Variants in FBXO4 observed in about 807,000 individuals in gnomAD.
The protein encoded by FBXO4 is F-box only protein 4.
Under a neutral mutation model 43.7 loss-of-function variants are expected in FBXO4, and 36 were observed. The observed-to-expected ratio is 0.82, with a 90% CI of 0.63 to 1.09. FBXO4 has a LOEUF of 1.09. FBXO4 is among the 50% of genes least tolerant of loss of function. The pLI is 0.00. For synonymous variants in FBXO4, 180 were observed against 165.6 expected (o/e 1.09, Z -0.67); for missense variants, 435 against 474.1 (o/e 0.92, Z 0.77).
At chr5:41,952,684 C>T in the FBXO4 span, among the ~76,000 whole-genome samples, 2 of 152,206 alleles carry the variant, frequency 1.3e-5, no homozygotes, top group Admixed American at 6.5e-5. Flanking sequence ...TATAGACTTA[C>T]CCATTGTGGA....
At chr5:41,954,529 C>T in the FBXO4 span, among the ~76,000 whole-genome samples, 2 of 152,272 alleles carry the variant, frequency 1.3e-5, no homozygotes, top group Middle Eastern at 3.4e-3. Flanking sequence ...CATAATGCAT[C>T]ATCTACAGCT....
chr5:41,937,068 C>T (rs888653141), intron 5 of FBXO4, among the ~76,000 whole-genome samples: 3 of 151,850 alleles, frequency 2.0e-5, no homozygotes, highest in Non-Finnish European at 4.4e-5. Flanking sequence ...TAATTGGAGT[C>T]CCAAAACATG....
At chr5:41,977,011 C>T in the FBXO4 span, among the ~76,000 whole-genome samples, 7 of 152,150 alleles carry the variant, frequency 4.6e-5, no homozygotes, top group African/African-American at 7.2e-5. Flanking sequence ...ACCTTCAAAG[C>T]TGTGGCTCAA....
At chr5:41,971,205 G>GGTGTGTGTGTGTGTGTGTGT in the FBXO4 span, among the ~76,000 whole-genome samples, 2 of 147,470 alleles carry the variant, frequency 1.4e-5, no homozygotes, top group South Asian at 2.2e-4. Context: ...ACTAGAGAGA[G>GGTGTGTGTGTGTGTGTGTGT]GTGTGTGTGT....
the FBXO4 span, among the ~76,000 whole-genome samples, chr5:41,973,982 G>T: frequency 6.6e-6 from 1 of 152,142 alleles, no homozygotes; most frequent in African/African-American, 2.4e-5. Flanking sequence ...CTATTTGAAA[G>T]ATATTATTAC....
At chr5:41,977,303 C>CT in the FBXO4 span, among the ~76,000 whole-genome samples, 29 of 152,124 alleles carry the variant, frequency 1.9e-4, no homozygotes, top group South Asian at 5.2e-3. Context: ...CCTGAAAATG[C>CT]TTTTTTTTCT....
At position 41,927,238 on chromosome 5, in the gene FBXO4, T is replaced by C. The variant is rs761396957; in HGVS notation, c.415T>C (p.Tyr139His). ...SEVTDGAFFD[Y>H]MAVYRMCCPY... is the part of the protein sequence containing the mutation. ...GGTCACTGATGGTGCATTTTTTGAC[T>C]ACATGGCAGTGTAAGTATCTAGTTT... Residue 139 changes from tyrosine (Y) to histidine (H), a missense_variant, in exon 2 of 7, where the codon TAC (tyrosine) becomes CAC (histidine). Tyr to His is a moderately conservative substitution (Grantham distance 83, BLOSUM62 2). Coordinates refer to ENST00000281623, the MANE Select transcript of FBXO4 (RefSeq NM_012176.3). 34 of 1,584,724 alleles carry C rather than the reference T, an allele frequency of 2.1e-5. No homozygotes were observed. The Admixed American group carries it at 2.7e-4, about 13-fold the overall frequency.
In FBXO4 at chr5:41,925,376, CTGG is replaced by C; in HGVS notation, c.68_70del (p.Leu23_Glu24delinsGln). The C allele has an allele frequency of 7.2e-7, 1 of 1,379,474 alleles. No homozygotes were observed. Among genetic ancestry groups the C allele is most frequent in the Non-Finnish European group, 9.4e-7 (1 of 1,062,616 alleles). The allele number at this position is 1,379,474 out of a possible 1,614,324, so 85.5% of individuals were successfully genotyped here. On this transcript the variant is annotated inframe_deletion, in exon 1 of 7. Coordinates refer to ENST00000281623, the MANE Select transcript of FBXO4 (RefSeq NM_012176.3). ...GCCGCCCTTCAGCGACTGGGGCCGC[CTGG>C]AGGCGGCCATCCTCAGCGGCTGGAA...
the FBXO4 span, among the ~76,000 whole-genome samples, chr5:42,021,723 G>A: frequency 6.6e-6 from 1 of 152,136 alleles, no homozygotes; most frequent in Admixed American, 6.6e-5. Context: ...TAAAGGGACT[G>A]GAGTTTGTGG....
the FBXO4 span, among the ~76,000 whole-genome samples, chr5:42,001,553 T>C: frequency 6.6e-6 from 1 of 152,220 alleles, no homozygotes. Context: ...TTTATGTCTG[T>C]CTTATTTCTT....
At chr5:42,027,376 T>C in the FBXO4 span, among the ~76,000 whole-genome samples, 14 of 152,024 alleles carry the variant, frequency 9.2e-5, no homozygotes, top group Non-Finnish European at 1.9e-4. Context: ...TTTGAATTTC[T>C]TCAGTATCAG....
At chr5:41,986,457 G>T in the FBXO4 span, among the ~76,000 whole-genome samples, 2 of 152,104 alleles carry the variant, frequency 1.3e-5, no homozygotes, top group Non-Finnish European at 2.9e-5. Context: ...TATTTTCAGA[G>T]AATTTATTGG....
chr5:42,034,530 T>TC, the FBXO4 span, among the ~76,000 whole-genome samples: 1 of 152,212 alleles, frequency 6.6e-6, no homozygotes, highest in Non-Finnish European at 1.5e-5. Context: ...CATCTTGAGT[T>TC]CATTTTTGTA....
chr5:41,942,731 A>AATTATCTTT (rs1752023837), downstream of FBXO4, among the ~76,000 whole-genome samples: 1 of 151,990 alleles, frequency 6.6e-6, no homozygotes, highest in Non-Finnish European at 1.5e-5. Flanking sequence ...TCCTAGTCCT[A>AATTATCTTT]ATTATCTTTG....
intron 2 of FBXO4, 92 bp downstream of exon 2, chr5:41,927,340 T>C (rs978193290): frequency 2.1e-6 from 2 of 945,930 alleles, no homozygotes; most frequent in South Asian, 3.5e-5. Context: ...CTGCTACTGA[T>C]TTGTTGCGTG....
At chr5:41,942,055 C>T (rs1752013796), downstream of FBXO4, among the ~76,000 whole-genome samples, 1 of 152,118 alleles carries the variant, frequency 6.6e-6, no homozygotes, top group East Asian at 1.9e-4. Context: ...TAGTAAAAGC[C>T]ATAAATATCT....
intron 1 of FBXO4, 94 bp downstream of exon 1, chr5:41,925,592 G>T (rs1579969127): frequency 5.1e-6 from 5 of 987,766 alleles, no homozygotes; most frequent in Non-Finnish European, 6.6e-6. Flanking sequence ...GAACTCTCGC[G>T]CCCCGGCCTG....
At chr5:41,975,029 C>A in the FBXO4 span, among the ~76,000 whole-genome samples, 794 of 152,252 alleles carry the variant, frequency 5.2e-3, 9 homozygotes, top group African/African-American at 0.018. Flanking sequence ...GCAGTTCCTA[C>A]CTTCAGGCCA....
At chr5:42,039,902 T>C in the FBXO4 span, among the ~76,000 whole-genome samples, 1 of 152,246 alleles carries the variant, frequency 6.6e-6, no homozygotes, top group African/African-American at 2.4e-5. Context: ...GAATCTTTTC[T>C]TCTGGCTGTG....
Sources: gnomAD v4.1 joint callset for allele counts (sites outside exome capture counted in the v4.1 genomes callset) on GRCh38, gnomAD v4.1.1 for gene constraint, MANE v1.5 for transcripts, NCBI Gene and HGNC (gene_info 2026-07-23, HGNC 2026-07-21) for gene names.